The following VWA8 variants were observed in gnomAD, a reference collection of about 807,000 sequenced individuals.
VWA8 encodes von Willebrand factor A domain containing 8, also known as von Willebrand factor A domain-containing protein 8.
A neutral mutation model predicts 241.5 loss-of-function variants in VWA8; 221 were observed. That is an observed-to-expected ratio of 0.91 (90% CI 0.82 to 1.02). VWA8 has a LOEUF of 1.02. Among genes scored for constraint, VWA8 ranks in the 50% least tolerant of loss-of-function variants. The pLI, the probability that VWA8 is intolerant of heterozygous loss-of-function variation, is 0.00. For synonymous variants in VWA8, 852 were observed against 827.1 expected (o/e 1.03, Z -0.52); for missense variants, 2,322 against 2,328.7 (o/e 1.00, Z 0.06).
intron 43 of VWA8, among the ~76,000 whole-genome samples, chr13:41,572,326 C>T (rs191815452): frequency 8.5e-5 from 13 of 152,332 alleles, no homozygotes; most frequent in Admixed American, 8.5e-4. Flanking sequence ...TGAGAATGGG[C>T]CATGATGACG....
rs557917169 is a variant in VWA8 at position 41,660,935 on chromosome 13, G to A, written c.4611+10011C>T. ...TCTATTGCCAGGTTGGCACGATTTC[G>A]GCTCACTGAAACCTCTGCATCCCGG... On this transcript the variant is annotated intron_variant, in intron 37 of 44. Transcript: ENST00000379310. Among the ~76,000 whole-genome samples the A allele has an allele frequency of 3.4e-5, 5 of 149,034 alleles. No individual in the cohort carries two copies. In the South Asian group the frequency reaches 6.3e-4, roughly 19 times the overall value.
intron 2 of VWA8, among the ~76,000 whole-genome samples, chr13:41,948,077 T>C (rs2138161628): frequency 6.6e-6 from 1 of 152,052 alleles, no homozygotes; most frequent in East Asian, 1.9e-4. Context: ...AACTTGCATA[T>C]GGATGCTTGG....
intron 4 of VWA8, among the ~76,000 whole-genome samples, chr13:41,898,924 A>G (rs1173275103): frequency 1.3e-5 from 2 of 152,148 alleles, no homozygotes; most frequent in Non-Finnish European, 1.5e-5. Context: ...CTGGCCCGCA[A>G]GCGCCGCGCG....
At chr13:41,748,275 A>C (rs1424744969) in intron 21 of VWA8, among the ~76,000 whole-genome samples, 1 of 152,080 alleles carries the variant, frequency 6.6e-6, no homozygotes, top group Non-Finnish European at 1.5e-5. Flanking sequence ...TCAATTTCAG[A>C]TCCTGTTATT....
At chr13:41,768,140 G>A (rs184261164) in intron 20 of VWA8, among the ~76,000 whole-genome samples, 50 of 152,320 alleles carry the variant, frequency 3.3e-4, no homozygotes, top group Admixed American at 4.6e-4. Flanking sequence ...GGGATCCCCA[G>A]GCTGCTGGAG....
At chr13:41,677,433 G>A (rs924691324) in intron 35 of VWA8, among the ~76,000 whole-genome samples, 2 of 152,100 alleles carry the variant, frequency 1.3e-5, no homozygotes, top group African/African-American at 4.8e-5. Context: ...CAACAACAAA[G>A]ACTAATAATT....
At chr13:41,864,148 A>G (rs562248623) in intron 12 of VWA8, among the ~76,000 whole-genome samples, 31 of 152,054 alleles carry the variant, frequency 2.0e-4, no homozygotes, top group South Asian at 1.2e-3. Flanking sequence ...TTATAAAAAA[A>G]AAAAAAAAAA....
At chr13:41,583,030 G>A (rs1250356137) in intron 42 of VWA8, among the ~76,000 whole-genome samples, 1 of 152,208 alleles carries the variant, frequency 6.6e-6, no homozygotes, top group Non-Finnish European at 1.5e-5. Context: ...GCATCCACAG[G>A]TTTTAGTATC....
intron 4 of VWA8, among the ~76,000 whole-genome samples, chr13:41,893,214 T>C (rs1288948031): frequency 6.6e-6 from 1 of 152,214 alleles, no homozygotes; most frequent in African/African-American, 2.4e-5. Context: ...AAAAGAGGCA[T>C]TGCTTAATCA....
intron 17 of VWA8, among the ~76,000 whole-genome samples, chr13:41,796,387 G>A (rs1869704215): frequency 6.6e-6 from 1 of 151,976 alleles, no homozygotes; most frequent in Non-Finnish European, 1.5e-5. Flanking sequence ...ATGGTTATGG[G>A]TCGATTTGAA....
intron 7 of VWA8, among the ~76,000 whole-genome samples, chr13:41,886,436 C>T (rs1389572954): frequency 2.0e-5 from 3 of 152,024 alleles, no homozygotes; most frequent in African/African-American, 7.2e-5. Flanking sequence ...TTCTTGATTC[C>T]ACTCTCTATC....
intron 2 of VWA8, among the ~76,000 whole-genome samples, chr13:41,927,540 T>TAA (rs1876906495): frequency 6.8e-6 from 1 of 147,738 alleles, no homozygotes. Flanking sequence ...TTGTCTCCTC[T>TAA]CAAAAAAAAA....
At chr13:41,715,152 T>C (rs1593714941) in intron 26 of VWA8, among the ~76,000 whole-genome samples, 1 of 152,084 alleles carries the variant, frequency 6.6e-6, no homozygotes, top group East Asian at 1.9e-4. Flanking sequence ...GAGAATTATA[T>C]ACATTTATGT....
At chr13:41,716,922 T>A (rs2045351025) in intron 26 of VWA8, among the ~76,000 whole-genome samples, 1 of 151,560 alleles carries the variant, frequency 6.6e-6, no homozygotes. Context: ...AAAGACTGCA[T>A]GGGGAAGACT....
intron 42 of VWA8, among the ~76,000 whole-genome samples, chr13:41,579,724 G>A (rs552881416): frequency 1.3e-5 from 2 of 152,320 alleles, no homozygotes; most frequent in East Asian, 3.9e-4. Context: ...TTCTCTACAA[G>A]TTTTGGGGTG....
Position 41,887,247 on chromosome 13 carries a change from G to T in VWA8, c.766C>A (p.Pro256Thr). The change falls in exon 6 of 45, where the codon CCT becomes ACT. Residue 256 changes from proline (P) to threonine (T), a missense_variant. Pro to Thr is a conservative substitution (Grantham distance 38). Transcript: ENST00000379310. Reference protein sequence around the residue: ...PRYSGNPLDPPLRSRFQARDI... With the variant: ...PRYSGNPLDPTLRSRFQARDI... ...CTGGCTTGAAATCGAGAACGAAGAG[G>T]GGGGTCTAATGGATTCCCAGAATAC... The T allele has an allele frequency of 6.2e-7, 1 of 1,613,386 alleles. No homozygotes were observed. Among genetic ancestry groups the T allele is most frequent in the Non-Finnish European group, 8.5e-7 (1 of 1,179,760 alleles).
chr13:41,779,573 C>T (rs938065014), intron 19 of VWA8, among the ~76,000 whole-genome samples: 1 of 152,094 alleles, frequency 6.6e-6, no homozygotes, highest in Non-Finnish European at 1.5e-5. Context: ...GCTGGGACAA[C>T]AAGTATAAGC....
intron 35 of VWA8, among the ~76,000 whole-genome samples, chr13:41,683,556 A>T (rs1375883739): frequency 6.6e-6 from 1 of 152,158 alleles, no homozygotes; most frequent in East Asian, 1.9e-4. Flanking sequence ...AACTCACAGA[A>T]CTATATGCTA....
At chr13:41,789,776 T>C (rs528547613) in intron 17 of VWA8, among the ~76,000 whole-genome samples, 4 of 152,312 alleles carry the variant, frequency 2.6e-5, no homozygotes, top group African/African-American at 9.6e-5. Context: ...CTGTGGATAC[T>C]AGGCAGTCTT....
Sources: allele counts gnomAD v4.1 joint callset (sites outside exome capture counted in the v4.1 genomes callset), GRCh38; gene constraint gnomAD v4.1.1; transcripts MANE v1.5; gene names NCBI Gene and HGNC (gene_info 2026-07-23, HGNC 2026-07-21).